GLRX3: variants seen among roughly 807,000 people sequenced by gnomAD.
GLRX3 encodes glutaredoxin 3, also known as glutaredoxin-3.
A neutral mutation model predicts 49.5 loss-of-function variants in GLRX3; 22 were observed. The ratio of observed to expected loss-of-function variants is 0.44; its 90% confidence interval spans 0.32 to 0.63. GLRX3 has a LOEUF of 0.63. GLRX3 is among the 30% of genes least tolerant of loss of function. GLRX3 has a pLI of 0.05. For missense variants in GLRX3, 385 were observed against 396.3 expected (o/e 0.97, Z 0.24); for synonymous variants, 133 against 140.0 (o/e 0.95, Z 0.35).
At chr10:130,151,416 C>T (rs1186889343) in intron 2 of GLRX3, among the ~76,000 whole-genome samples, 2 of 152,018 alleles carry the variant, frequency 1.3e-5, no homozygotes, top group African/African-American at 2.4e-5. Flanking sequence ...TACATGTGCA[C>T]AATGTGCAGG....
chr10:130,170,676 C>T (rs1173129510), intron 7 of GLRX3, among the ~76,000 whole-genome samples: 2 of 151,652 alleles, frequency 1.3e-5, no homozygotes, highest in Non-Finnish European at 2.9e-5. Flanking sequence ...TTTCTGGAAA[C>T]CTAGAAAGTA....
intron 2 of GLRX3, among the ~76,000 whole-genome samples, chr10:130,150,952 G>C (rs2134885516): frequency 6.8e-6 from 1 of 146,040 alleles, no homozygotes; most frequent in East Asian, 2.0e-4. Flanking sequence ...TTTTGAGACA[G>C]AGTCTCACTG....
chr10:130,139,753 A>G (rs922317475), intron 1 of GLRX3, among the ~76,000 whole-genome samples: 4 of 151,030 alleles, frequency 2.6e-5, no homozygotes, highest in African/African-American at 9.8e-5. Context: ...ACAACATAGA[A>G]CCCATCTCTA....
intron 2 of GLRX3, among the ~76,000 whole-genome samples, chr10:130,148,659 T>G (rs16910137): frequency 0.038 from 5,728 of 152,040 alleles, 199 homozygotes; most frequent in East Asian, 0.1. Flanking sequence ...GTCACCCATT[T>G]TTGGTCAGAG....
chr10:130,160,471 C>G (rs1241239776), intron 3 of GLRX3, among the ~76,000 whole-genome samples: 1 of 152,188 alleles, frequency 6.6e-6, no homozygotes, highest in Non-Finnish European at 1.5e-5. Flanking sequence ...TGCTTCCAGG[C>G]ACCCATGGGT....
In GLRX3 at chr10:130,154,269, C is replaced by A. The variant is rs148009951; in HGVS notation, c.202-5726C>A. Reference sequence around the variant, plus strand: ...CTTCCCTTGGCTAGGAAAGGGAAATCCTCCAACCCCTTGCGCTTCCTGGGT... The same window carrying A: ...CTTCCCTTGGCTAGGAAAGGGAAATACTCCAACCCCTTGCGCTTCCTGGGT... On this transcript the variant is annotated intron_variant, in intron 2 of 10. Transcript: ENST00000331244. Among the ~76,000 whole-genome samples, 108 of 152,318 alleles carry A rather than the reference C, an allele frequency of 7.1e-4. 1 individual carries two copies. Among genetic ancestry groups the A allele is most frequent in the African/African-American group, 2.5e-3 (105 of 41,572 alleles).
In GLRX3 at chr10:130,160,907, A is replaced by G. The variant is rs1564994679; in HGVS notation, c.388A>G (p.Lys130Glu). 6.8e-6 allele frequency: 11 copies of G among 1,613,472 alleles called. No homozygotes were observed. Among genetic ancestry groups the G allele is most frequent in the Non-Finnish European group, 8.5e-6 (10 of 1,179,374 alleles). Residue 130 changes from lysine to glutamate, a missense_variant, in exon 4 of 11, where the codon AAA (lysine) becomes GAA (glutamate). Coordinates refer to ENST00000331244, the MANE Select transcript of GLRX3 (RefSeq NM_006541.5). ...SFLPSANEHL[K>E]EDLNLRLKKL... is the part of the protein sequence containing the mutation. The stretch of plus-strand genomic sequence containing the variant: ...CCTACCCAGCGCTAATGAACATCTT[A>G]AAGAAGATCTCAACCTTCGCTTGAA...
intron 4 of GLRX3, among the ~76,000 whole-genome samples, chr10:130,161,506 A>G (rs1862575953): frequency 6.6e-6 from 1 of 152,144 alleles, no homozygotes; most frequent in Non-Finnish European, 1.5e-5. Flanking sequence ...ATCACTGTCT[A>G]ATGATTCTCT....
intron 6 of GLRX3, among the ~76,000 whole-genome samples, chr10:130,167,570 G>A (rs1408963099): frequency 6.6e-6 from 1 of 152,118 alleles, no homozygotes; most frequent in Non-Finnish European, 1.5e-5. Flanking sequence ...TGGTGTGTAA[G>A]GCAACTTAAT....
chr10:130,149,213 T>C (rs1330637040), intron 2 of GLRX3, among the ~76,000 whole-genome samples: 1 of 152,140 alleles, frequency 6.6e-6, no homozygotes, highest in African/African-American at 2.4e-5. Flanking sequence ...GGAGATGATG[T>C]GGTATTTCTA....
intron 6 of GLRX3, 69 bp from the exon 7 acceptor site, chr10:130,169,364 C>T (rs1439310121): frequency 1.1e-6 from 1 of 919,680 alleles, no homozygotes; most frequent in African/African-American, 1.6e-5. Context: ...GCATGTTACT[C>T]ACGAAGCGGA....
chr10:130,179,777 A>G (rs1862990792), downstream of GLRX3: 4 of 189,932 alleles, frequency 2.1e-5, no homozygotes, highest in African/African-American at 9.6e-5. Flanking sequence ...AACAGTATTT[A>G]GGACAACTCC....
At chr10:130,144,510 C>T (rs781678485) in intron 1 of GLRX3, among the ~76,000 whole-genome samples, 10 of 151,894 alleles carry the variant, frequency 6.6e-5, no homozygotes, top group East Asian at 1.9e-4. Context: ...TCCCTGTGTC[C>T]GTGTGGTTTC....
At chr10:130,170,302 C>G (rs983084573) in intron 7 of GLRX3, among the ~76,000 whole-genome samples, 1 of 152,130 alleles carries the variant, frequency 6.6e-6, no homozygotes, top group Non-Finnish European at 1.5e-5. Flanking sequence ...CACTTGTTAG[C>G]AAGATGCACC....
chr10:130,169,756 G>T (rs1410486431), intron 7 of GLRX3, among the ~76,000 whole-genome samples: 2 of 152,322 alleles, frequency 1.3e-5, no homozygotes, highest in South Asian at 4.1e-4. Flanking sequence ...ACACTTTACT[G>T]GTTGTATGAG....
chr10:130,164,211 T>C (rs1372189176), intron 4 of GLRX3, among the ~76,000 whole-genome samples: 3 of 152,154 alleles, frequency 2.0e-5, no homozygotes, highest in Admixed American at 2.0e-4. Context: ...TTGAAAAGAA[T>C]TGGATTGTCC....
rs186765062 is a variant in GLRX3 at position 130,144,042 on chromosome 10, A to G, written c.93-1169A>G. On this transcript the variant is annotated intron_variant, in intron 1 of 10. Transcript: ENST00000331244. Reference sequence around the variant, plus strand: ...CATAATATTAAAAAGTATAAAAAAAAGTCTTTGTGAAAAGCAGTTCTATTC... The same window carrying G: ...CATAATATTAAAAAGTATAAAAAAAGGTCTTTGTGAAAAGCAGTTCTATTC... Among the ~76,000 whole-genome samples, 1,474 of 152,256 alleles carry G rather than the reference A, an allele frequency of 9.7e-3. 16 individuals are homozygous for G. Among genetic ancestry groups the G allele is most frequent in the Non-Finnish European group, 0.013 (875 of 68,016 alleles).
chr10:130,177,028 T>C (rs973903602), intron 10 of GLRX3, among the ~76,000 whole-genome samples: 19 of 152,172 alleles, frequency 1.2e-4, no homozygotes, highest in Admixed American at 3.3e-4. Context: ...GCTAAGAACA[T>C]ATACGTTTGA....
intron 2 of GLRX3, among the ~76,000 whole-genome samples, chr10:130,147,683 G>A (rs1245393848): frequency 1.3e-5 from 2 of 152,190 alleles, no homozygotes; most frequent in African/African-American, 4.8e-5. Context: ...TAATTAAAAG[G>A]CACTTGCCGG....
Sources: gnomAD v4.1 joint callset for allele counts (sites outside exome capture counted in the v4.1 genomes callset) on GRCh38, gnomAD v4.1.1 for gene constraint, MANE v1.5 for transcripts, NCBI Gene and HGNC (gene_info 2026-07-23, HGNC 2026-07-21) for gene names.